The following RBBP8 variants were observed in gnomAD, a reference collection of about 807,000 sequenced individuals.
RBBP8 encodes the protein RB binding protein 8, endonuclease, also known as DNA endonuclease RBBP8.
Under a neutral mutation model 108.3 loss-of-function variants are expected in RBBP8, and 88 were observed. The observed-to-expected ratio is 0.81, with a 90% confidence interval of 0.68 to 0.97. The LOEUF is 0.97. Ranked by LOEUF, RBBP8 falls within the 50% of genes least tolerant of loss-of-function variation. The pLI, the probability that RBBP8 is intolerant of heterozygous loss-of-function variation, is 0.00. For missense variants in RBBP8, 1,023 were observed against 1,049.0 expected, an observed-to-expected ratio of 0.98 and a Z score of 0.34; for synonymous variants, 332 against 348.2, an observed-to-expected ratio of 0.95 and a Z score of 0.52.
intron 2 of RBBP8, among the ~76,000 whole-genome samples, chr18:22,944,543 A>G (rs1432443813): frequency 8.5e-5 from 13 of 152,234 alleles, no homozygotes; most frequent in Non-Finnish European, 1.5e-4. Flanking sequence ...TTTTTAAACA[A>G]CTCACTTATT....
At chr18:23,006,536 C>A in intron 16 of RBBP8, 104 bp downstream of exon 16, 1 of 1,017,146 alleles carries the variant, frequency 9.8e-7, no homozygotes, top group Non-Finnish European at 1.5e-6. Flanking sequence ...GAGTCTTGCT[C>A]TGTCACCCAG....
chr18:22,955,272 G>A (rs1442880479), intron 4 of RBBP8, among the ~76,000 whole-genome samples: 2 of 152,054 alleles, frequency 1.3e-5, no homozygotes, highest in African/African-American at 2.4e-5. Flanking sequence ...TATGTAGCTC[G>A]TTGTTTTGTA....
At chr18:23,025,708 A>G (rs2046440576) in intron 18 of RBBP8, among the ~76,000 whole-genome samples, 1 of 152,232 alleles carries the variant, frequency 6.6e-6, no homozygotes, top group Non-Finnish European at 1.5e-5. Context: ...CATGTTTAGC[A>G]CTTTGTCCCC....
chr18:23,015,901 TTTTG>T (rs1475313090), intron 16 of RBBP8, among the ~76,000 whole-genome samples: 2 of 152,078 alleles, frequency 1.3e-5, no homozygotes, highest in Non-Finnish European at 2.9e-5. Context: ...GCCAGCTTGT[TTTTG>T]TTTTTGTTTT....
intron 16 of RBBP8, among the ~76,000 whole-genome samples, chr18:23,006,677 T>C (rs1393671970): frequency 6.6e-6 from 1 of 152,042 alleles, no homozygotes; most frequent in African/African-American, 2.4e-5. Context: ...AACTTTTTTA[T>C]TTTTTGTAGA....
At chr18:22,980,838 C>T (rs1433252890) in intron 6 of RBBP8, among the ~76,000 whole-genome samples, 2 of 151,512 alleles carry the variant, frequency 1.3e-5, no homozygotes, top group Non-Finnish European at 2.9e-5. Context: ...CCTCACCCTC[C>T]CAAGTAGCTG....
intron 13 of RBBP8, among the ~76,000 whole-genome samples, chr18:22,996,831 TA>T (rs1356218247): frequency 6.6e-6 from 1 of 152,060 alleles, no homozygotes; most frequent in African/African-American, 2.4e-5. Context: ...GCCCTGTCTC[TA>T]TAGGAAATTT....
intron 16 of RBBP8, among the ~76,000 whole-genome samples, chr18:23,009,515 A>G (rs911749769): frequency 6.7e-6 from 1 of 149,516 alleles, no homozygotes; most frequent in African/African-American, 2.4e-5. Flanking sequence ...TACATAAAGT[A>G]TAATGTATTT....
At chr18:22,945,639 C>T (rs1911495719) in intron 2 of RBBP8, among the ~76,000 whole-genome samples, 1 of 152,084 alleles carries the variant, frequency 6.6e-6, no homozygotes, top group Non-Finnish European at 1.5e-5. Context: ...CCACCTTGGC[C>T]TCCCAAGGTG....
At chr18:22,997,180 T>C (rs1025381920) in intron 13 of RBBP8, among the ~76,000 whole-genome samples, 5 of 152,246 alleles carry the variant, frequency 3.3e-5, no homozygotes, top group South Asian at 2.1e-4. Context: ...TTAGCTTCTG[T>C]GTAGTTTCAG....
At chr18:23,008,138 C>G (rs558173339) in intron 16 of RBBP8, among the ~76,000 whole-genome samples, 1 of 152,122 alleles carries the variant, frequency 6.6e-6, no homozygotes, top group Non-Finnish European at 1.5e-5. Context: ...AACCATAATG[C>G]GACCTTCTGC....
At chr18:22,996,243 C>A in intron 12 of RBBP8, 131 bp from the exon 13 acceptor site, 2 of 1,418,690 alleles carry the variant, frequency 1.4e-6, no homozygotes, top group Non-Finnish European at 1.9e-6. Flanking sequence ...CTTTATATAT[C>A]TTAGATATAA....
intron 4 of RBBP8, among the ~76,000 whole-genome samples, chr18:22,955,679 G>T (rs551228521): frequency 2.6e-5 from 4 of 151,154 alleles, no homozygotes; most frequent in Non-Finnish European, 5.9e-5. Context: ...CCAGGTTCAC[G>T]CCATTCTCCT....
rs1407716412 is a variant in RBBP8 at position 22,972,150 on chromosome 18, T to A, written c.362-3003T>A. Among the ~76,000 whole-genome samples, 6 of 146,722 alleles carry A rather than the reference T, an allele frequency of 4.1e-5. No individual in the cohort carries two copies. The East Asian group carries it at 1.4e-3, about 34-fold the overall frequency. On this transcript the variant is annotated intron_variant, in intron 5 of 18. Coordinates refer to ENST00000327155, the MANE Select transcript of RBBP8 (RefSeq NM_002894.3). ...GTGGGTGGATCACAAGGTCAGGAGT[T>A]CAAGACCAGCCTGGCCAAGATGGTG...
intron 3 of RBBP8, among the ~76,000 whole-genome samples, chr18:22,925,327 GGAT>G (rs1343917709): frequency 2.9e-4 from 44 of 152,140 alleles, no homozygotes; most frequent in African/African-American, 1.0e-3. Context: ...CTAAAACTCA[GGAT>G]CTCCTTTAAG....
intron 18 of RBBP8, among the ~76,000 whole-genome samples, chr18:23,025,424 T>C (rs1055472040): frequency 1.3e-5 from 2 of 152,222 alleles, no homozygotes; most frequent in African/African-American, 4.8e-5. Context: ...CTGACAGCTT[T>C]CACTGTATTT....
chr18:22,993,984 TTC>T, intron 12 of RBBP8, 137 bp downstream of exon 12: 1 of 816,646 alleles, frequency 1.2e-6, no homozygotes, highest in Non-Finnish European at 1.9e-6. Context: ...TATAGGACGA[TTC>T]TCACATTTTA....
At chr18:23,015,769 T>C (rs188358830) in intron 16 of RBBP8, among the ~76,000 whole-genome samples, 3 of 152,350 alleles carry the variant, frequency 2.0e-5, no homozygotes, top group Admixed American at 2.0e-4. Context: ...CAGTTGACTA[T>C]AGAGGCATTC....
chr18:22,997,398 CCTT>C (rs1285923993), intron 13 of RBBP8, among the ~76,000 whole-genome samples: 14 of 152,140 alleles, frequency 9.2e-5, no homozygotes, highest in African/African-American at 1.2e-4. Context: ...TGGCAGCAGT[CCTT>C]CTTTTCCTAG....
Sources: gnomAD v4.1 joint callset for allele counts (sites outside exome capture counted in the v4.1 genomes callset) on GRCh38, gnomAD v4.1.1 for gene constraint, MANE v1.5 for transcripts, NCBI Gene and HGNC (gene_info 2026-07-23, HGNC 2026-07-21) for gene names.